The following UBE2K variants were observed in gnomAD, a reference collection of about 807,000 sequenced individuals.
UBE2K encodes ubiquitin-conjugating enzyme E2 K.
A neutral mutation model predicts 30.0 loss-of-function variants in UBE2K; 6 were observed. The ratio of observed to expected loss-of-function variants is 0.20; its 90% CI spans 0.11 to 0.39. The LOEUF (loss-of-function observed/expected upper bound fraction) is 0.39. UBE2K is among the 10% of genes least tolerant of loss of function. The pLI is 1.00. For synonymous variants in UBE2K, 86 were observed against 83.7 expected (o/e 1.03, Z -0.15); for missense variants, 61 against 241.6 (o/e 0.25, Z 4.96).
chr4:39,740,492 C>T (rs541059099), intron 2 of UBE2K, among the ~76,000 whole-genome samples: 7 of 144,096 alleles, frequency 4.9e-5, no homozygotes, highest in Non-Finnish European at 9.1e-5. Context: ...TCAGTGAGCC[C>T]AGATCGCGCT....
At chr4:39,702,712 C>G (rs1389397577) in intron 1 of UBE2K, among the ~76,000 whole-genome samples, 1 of 152,090 alleles carries the variant, frequency 6.6e-6, no homozygotes, top group East Asian at 1.9e-4. Context: ...CTAGCTTGAT[C>G]TAGATTATTC....
At chr4:39,771,045 T>C in intron 4 of UBE2K, 4 of 1,612,280 alleles carry the variant, frequency 2.5e-6, no homozygotes, top group Non-Finnish European at 3.4e-6. Context: ...CTTTGAGGCC[T>C]ATTTTGGGCT....
chr4:39,740,399 G>A (rs567667244), intron 2 of UBE2K, among the ~76,000 whole-genome samples: 13 of 151,690 alleles, frequency 8.6e-5, no homozygotes, highest in South Asian at 4.2e-4. Context: ...CTAATTAGCC[G>A]GGCGAGGTGG....
chr4:39,702,709 G>A (rs1160378771), intron 1 of UBE2K, among the ~76,000 whole-genome samples: 1 of 152,066 alleles, frequency 6.6e-6, no homozygotes, highest in Non-Finnish European at 1.5e-5. Context: ...GATCTAGCTT[G>A]ATCTAGATTA....
chr4:39,750,348 T>C (rs1302284033), intron 3 of UBE2K, among the ~76,000 whole-genome samples: 1 of 152,218 alleles, frequency 6.6e-6, no homozygotes, highest in Non-Finnish European at 1.5e-5. Context: ...CAGTGCATCC[T>C]GTAGGAAGAG....
intron 2 of UBE2K, among the ~76,000 whole-genome samples, chr4:39,740,095 A>G (rs373796355): frequency 6.6e-6 from 1 of 152,028 alleles, no homozygotes; most frequent in East Asian, 1.9e-4. Flanking sequence ...AAAAAATCAG[A>G]TGCTTGTCCT....
intron 4 of UBE2K, among the ~76,000 whole-genome samples, chr4:39,759,629 T>C (rs921202541): frequency 7.9e-5 from 12 of 152,200 alleles, no homozygotes; most frequent in African/African-American, 2.9e-4. Context: ...GTGGAAACTA[T>C]TTTCTAATGT....
At chr4:39,731,210 A>G (rs1298775243) in intron 1 of UBE2K, among the ~76,000 whole-genome samples, 1 of 140,018 alleles carries the variant, frequency 7.1e-6, no homozygotes, top group Non-Finnish European at 1.5e-5. Flanking sequence ...ACTCTTTTCA[A>G]TGTGGATATC....
chr4:39,766,301 C>A (rs1270529925), intron 4 of UBE2K, among the ~76,000 whole-genome samples: 1 of 151,916 alleles, frequency 6.6e-6, no homozygotes, highest in Non-Finnish European at 1.5e-5. Flanking sequence ...CTAACAATTA[C>A]CATTTTTTTT....
chr4:39,738,215 ATTTG>A (rs1178285318), intron 2 of UBE2K, among the ~76,000 whole-genome samples: 1 of 152,222 alleles, frequency 6.6e-6, no homozygotes, highest in East Asian at 1.9e-4. Context: ...CTATTCAAAT[ATTTG>A]TTTATTAGAA....
At chr4:39,770,842 C>T in intron 4 of UBE2K, 1 of 1,541,386 alleles carries the variant, frequency 6.5e-7, no homozygotes. Flanking sequence ...TCCTCATCCT[C>T]ATCCTCTTCC....
At chr4:39,755,538 A>G in intron 3 of UBE2K, 119 bp from the exon 4 acceptor site, 1 of 701,420 alleles carries the variant, frequency 1.4e-6, no homozygotes, top group Non-Finnish European at 2.4e-6. Context: ...CCTAGGCAAA[A>G]TGATGTAATA....
intron 1 of UBE2K, among the ~76,000 whole-genome samples, chr4:39,701,464 A>G (rs1718006602): frequency 6.6e-6 from 1 of 152,176 alleles, no homozygotes; most frequent in Non-Finnish European, 1.5e-5. Context: ...ATTCTTAAGC[A>G]CAGTTCTTTA....
chr4:39,770,361 T>A, intron 4 of UBE2K: 1 of 1,613,012 alleles, frequency 6.2e-7, no homozygotes, highest in Non-Finnish European at 8.5e-7. Flanking sequence ...GTGGTTGAAC[T>A]CCTTGCCACA....
rs1553874880 is a variant in UBE2K, at chr4:39,714,517, C to CATCT, written c.63+16129_63+16130insCTAT. Reference sequence around the variant, plus strand: ...TGTCCTCCTTGTCTTTTAGAAGTTTCATATATATATATATATATATATATA... The same window carrying CATCT: ...TGTCCTCCTTGTCTTTTAGAAGTTTCATCTATATATATATATATATATATATATA... On this transcript the variant is annotated intron_variant, in intron 1 of 6. Transcript: ENST00000261427. 2.2e-4 allele frequency: 9 copies of CATCT among 41,638 alleles called. 2 individuals carry two copies. The highest frequency in any genetic ancestry group is 1.5e-3 in the Admixed American group (3 of 1,974). 2.6% of individuals were successfully genotyped at this position (41,638 alleles called of 1,614,324 possible).
In UBE2K at chr4:39,778,335, TCCTGTC is replaced by T. The variant is rs375181908; in HGVS notation, c.529-22_529-17del. ...TTAAATGTTTCCTTGAGATTTAATT[TCCTGTC>T]CCCTTTTCTTCTCTACAGAATGCAG... is the stretch of plus-strand genomic sequence containing the variant. On this transcript the variant is annotated intron_variant, in intron 6 of 6. Transcript: ENST00000261427. The T allele has an allele frequency of 3.3e-4, 493 of 1,497,632 alleles. 1 individual carries two copies. Among genetic ancestry groups the T allele is most frequent in the Admixed American group, 1.5e-3 (83 of 57,090 alleles). 92.8% of individuals were successfully genotyped at this position (1,497,632 alleles called of 1,614,324 possible).
intron 3 of UBE2K, among the ~76,000 whole-genome samples, chr4:39,749,501 A>C (rs1721143889): frequency 6.6e-6 from 1 of 151,910 alleles, no homozygotes; most frequent in Non-Finnish European, 1.5e-5. Flanking sequence ...TAAAAATGCC[A>C]AAAACTAAAC....
intron 1 of UBE2K, among the ~76,000 whole-genome samples, chr4:39,726,777 A>G (rs921427760): frequency 6.6e-6 from 1 of 151,900 alleles, no homozygotes; most frequent in African/African-American, 2.4e-5. Flanking sequence ...TTGTGTTTTT[A>G]GTAGAGACAG....
At chr4:39,724,149 C>T (rs568185179) in intron 1 of UBE2K, among the ~76,000 whole-genome samples, 1 of 149,684 alleles carries the variant, frequency 6.7e-6, no homozygotes, top group South Asian at 2.1e-4. Context: ...ATTGTTGTCA[C>T]CAGGCTGGAG....
Sources: allele counts gnomAD v4.1 joint callset (sites outside exome capture counted in the v4.1 genomes callset), GRCh38; gene constraint gnomAD v4.1.1; transcripts MANE v1.5; gene names NCBI Gene and HGNC (gene_info 2026-07-23, HGNC 2026-07-21).